SUCLG2: variants seen among roughly 807,000 people sequenced by gnomAD.
SUCLG2 encodes the protein succinate-CoA ligase GDP-forming subunit beta, also known as succinate--CoA ligase [GDP-forming] subunit beta, mitochondrial.
In SUCLG2, 42 loss-of-function variants were observed where a neutral mutation model predicts 47.9. The observed-to-expected ratio is 0.88, with a 90% CI of 0.69 to 1.14. The LOEUF (loss-of-function observed/expected upper bound fraction) is 1.14. Among genes scored for constraint, SUCLG2 ranks in the 50% most tolerant of loss-of-function variants. The pLI, the probability that SUCLG2 is intolerant of heterozygous loss-of-function variation, is 0.00. For missense variants in SUCLG2, 571 were observed against 525.9 expected (o/e 1.09, Z -0.84); for synonymous variants, 195 against 197.3 (o/e 0.99, Z 0.10).
At chr3:67,477,407 G>T (rs1356746145) in intron 9 of SUCLG2, among the ~76,000 whole-genome samples, 1 of 152,140 alleles carries the variant, frequency 6.6e-6, no homozygotes, top group East Asian at 1.9e-4. Flanking sequence ...TAGAAAACTG[G>T]TGAGAGGCTG....
intron 9 of SUCLG2, among the ~76,000 whole-genome samples, chr3:67,476,625 C>T (rs1267149018): frequency 6.6e-6 from 1 of 152,198 alleles, no homozygotes; most frequent in Admixed American, 6.5e-5. Flanking sequence ...CGCAACCCTG[C>T]ACCCTTGGAC....
intron 9 of SUCLG2, among the ~76,000 whole-genome samples, chr3:67,458,900 T>C (rs564425618): frequency 1.3e-5 from 2 of 152,346 alleles, no homozygotes; most frequent in South Asian, 2.1e-4. Context: ...GTCTGCTAAT[T>C]TGTGTTCAGG....
At chr3:67,572,683 A>G (rs561062523) in intron 2 of SUCLG2, among the ~76,000 whole-genome samples, 20 of 152,292 alleles carry the variant, frequency 1.3e-4, no homozygotes, top group African/African-American at 4.8e-4. Flanking sequence ...ACTACAGGTT[A>G]AAACAGCCAG....
chr3:67,552,903 T>C (rs1051883146), intron 2 of SUCLG2, among the ~76,000 whole-genome samples: 1 of 152,204 alleles, frequency 6.6e-6, no homozygotes, highest in African/African-American at 2.4e-5. Flanking sequence ...CTTTAAAAAA[T>C]GCAACTGTTG....
chr3:67,502,527 G>T (rs187233389), intron 7 of SUCLG2, among the ~76,000 whole-genome samples: 1 of 152,284 alleles, frequency 6.6e-6, no homozygotes, highest in Non-Finnish European at 1.5e-5. Context: ...CTAGGTGTTG[G>T]TGGCAGGAGA....
At chr3:67,393,802 C>T (rs932154567) in intron 10 of SUCLG2, among the ~76,000 whole-genome samples, 7 of 152,186 alleles carry the variant, frequency 4.6e-5, no homozygotes, top group African/African-American at 9.6e-5. Context: ...CTCACATGGC[C>T]GGGTACTCCT....
At chr3:67,531,725 T>C (rs1706408892) in intron 2 of SUCLG2, among the ~76,000 whole-genome samples, 1 of 152,152 alleles carries the variant, frequency 6.6e-6, no homozygotes, top group South Asian at 2.1e-4. Context: ...GCTAAATCAA[T>C]ATAGTAAGTC....
chr3:67,641,518 A>C (rs1414393059), intron 1 of SUCLG2, among the ~76,000 whole-genome samples: 1 of 152,244 alleles, frequency 6.6e-6, no homozygotes, highest in Non-Finnish European at 1.5e-5. Flanking sequence ...GATGTGTTTG[A>C]TCAAAAAAAT....
intron 9 of SUCLG2, among the ~76,000 whole-genome samples, chr3:67,442,123 G>T (rs1039678508): frequency 4.1e-5 from 6 of 144,768 alleles, no homozygotes; most frequent in African/African-American, 1.5e-4. Context: ...CCATTCTCCT[G>T]CCTCAGCCTC....
intron 7 of SUCLG2, among the ~76,000 whole-genome samples, chr3:67,505,808 AAAAATTAGCTG>A (rs543446471): frequency 6.6e-6 from 1 of 152,128 alleles, no homozygotes; most frequent in African/African-American, 2.4e-5. Context: ...CTAAAAATAC[AAAAATTAGCTG>A]GGCGCGGTGG....
At chr3:67,452,269 A>G (rs970497898) in intron 9 of SUCLG2, among the ~76,000 whole-genome samples, 1 of 152,230 alleles carries the variant, frequency 6.6e-6, no homozygotes. Context: ...AATGAATAAA[A>G]CATACATTAA....
chr3:67,422,472 T>TAAAAAAAAAAAAAAAAAA (rs1559520249), intron 9 of SUCLG2, among the ~76,000 whole-genome samples: 10 of 12,322 alleles, frequency 8.1e-4, no homozygotes, highest in African/African-American at 3.0e-3. Context: ...AGACTCCATC[T>TAAAAAAAAAAAAAAAAAA]CAAAAAAAAA....
At chr3:67,393,852 T>C (rs1702455795) in intron 10 of SUCLG2, among the ~76,000 whole-genome samples, 1 of 152,146 alleles carries the variant, frequency 6.6e-6, no homozygotes, top group Non-Finnish European at 1.5e-5. Context: ...GACAGCAGCA[T>C]TCGCGGTTCA....
intron 2 of SUCLG2, among the ~76,000 whole-genome samples, chr3:67,552,363 A>G (rs926546682): frequency 6.6e-6 from 1 of 152,168 alleles, no homozygotes; most frequent in Non-Finnish European, 1.5e-5. Flanking sequence ...GACTTAATAT[A>G]CCAAATTATA....
intron 2 of SUCLG2, among the ~76,000 whole-genome samples, chr3:67,542,960 C>T (rs894387525): frequency 6.6e-6 from 1 of 152,124 alleles, no homozygotes; most frequent in Admixed American, 6.5e-5. Context: ...AGCTTTGGAC[C>T]AAGCAGACCT....
intron 2 of SUCLG2, among the ~76,000 whole-genome samples, chr3:67,539,786 G>A (rs1230071971): frequency 6.6e-6 from 1 of 152,082 alleles, no homozygotes; most frequent in African/African-American, 2.4e-5. Flanking sequence ...GTTTAGTCAT[G>A]GGAAGGTGTA....
rs148105358 is a variant in SUCLG2 at position 67,631,551 on chromosome 3, T to C, written c.85-21955A>G. Among the ~76,000 whole-genome samples the C allele has an allele frequency of 5.0e-3, 764 of 152,126 alleles. 11 individuals carry two copies. The highest frequency in any genetic ancestry group is 0.017 in the African/African-American group (713 of 41,490). On this transcript the variant is annotated intron_variant, in intron 1 of 10. Transcript: ENST00000307227. ...CTGAGGCATAGGAATCGTTTGAACC[T>C]GGGAGGCAGAGGCTGCAGTGAGCTG...
At chr3:67,385,050 C>T (rs1345851113) in intron 10 of SUCLG2, among the ~76,000 whole-genome samples, 7 of 152,184 alleles carry the variant, frequency 4.6e-5, no homozygotes. Flanking sequence ...AAGTCTCGTC[C>T]TGATAGCAAT....
intron 9 of SUCLG2, among the ~76,000 whole-genome samples, chr3:67,479,306 C>T (rs545102061): frequency 5.8e-4 from 87 of 150,436 alleles, no homozygotes; most frequent in Middle Eastern, 3.5e-3. Context: ...AAAAAAACAA[C>T]AAAAGAAAAC....
Sources: gnomAD v4.1 joint callset for allele counts (sites outside exome capture counted in the v4.1 genomes callset) on GRCh38, gnomAD v4.1.1 for gene constraint, MANE v1.5 for transcripts, NCBI Gene and HGNC (gene_info 2026-07-23, HGNC 2026-07-21) for gene names.